ZBTB20: variants seen among roughly 807,000 people sequenced by gnomAD.
ZBTB20 encodes the protein zinc finger and BTB domain-containing protein 20.
Under a neutral mutation model 56.9 loss-of-function variants are expected in ZBTB20, and 9 were observed. That is an observed-to-expected ratio of 0.16 (90% confidence interval 0.10 to 0.28). ZBTB20 has a LOEUF of 0.28. Among genes scored for constraint, ZBTB20 ranks in the 10% least tolerant of loss-of-function variants. ZBTB20 has a pLI of 1.00. For missense variants in ZBTB20, 655 were observed against 1,003.0 expected, an observed-to-expected ratio of 0.65 and a Z score of 4.69; for synonymous variants, 417 against 420.7, an observed-to-expected ratio of 0.99 and a Z score of 0.11.
chr3:115,139,099 T>C (rs969344387), intron 1 of ZBTB20, among the ~76,000 whole-genome samples: 6 of 152,058 alleles, frequency 3.9e-5, no homozygotes, highest in Admixed American at 2.0e-4. Flanking sequence ...TAAGCTAAAA[T>C]AGCTTACCAT....
rs1043674976 is a variant in ZBTB20, at chr3:114,492,181, G to C, written c.-255+8171C>G. On this transcript the variant is annotated intron_variant, in intron 7 of 11. Transcript: ENST00000675478. ...TAGGTCTTCTTCTCAATCTAACCCTGTCCCTAGGCAATGTTATTCATGCCA... is the reference window on the plus strand; with the variant it reads ...TAGGTCTTCTTCTCAATCTAACCCTCTCCCTAGGCAATGTTATTCATGCCA... Among the ~76,000 whole-genome samples, 3 of 151,962 alleles carry C rather than the reference G, an allele frequency of 2.0e-5. No individual in the cohort carries two copies. The East Asian group carries it at 5.8e-4, about 29-fold the overall frequency.
intron 7 of ZBTB20, among the ~76,000 whole-genome samples, chr3:114,470,089 A>G (rs966781203): frequency 6.6e-6 from 1 of 152,180 alleles, no homozygotes; most frequent in African/African-American, 2.4e-5. Flanking sequence ...AAGATATAGA[A>G]AAAGGGAGTC....
chr3:115,137,319 G>GT (rs1483632752), intron 1 of ZBTB20, among the ~76,000 whole-genome samples: 2 of 151,988 alleles, frequency 1.3e-5, no homozygotes, highest in African/African-American at 4.8e-5. Flanking sequence ...TATACAAAGG[G>GT]TATATGAGTA....
chr3:115,106,616 C>T (rs1483156709), intron 1 of ZBTB20, among the ~76,000 whole-genome samples: 1 of 152,052 alleles, frequency 6.6e-6, no homozygotes, highest in Admixed American at 6.6e-5. Flanking sequence ...GCCAGGAGTA[C>T]CATCCTTAAA....
intron 8 of ZBTB20, among the ~76,000 whole-genome samples, chr3:114,385,115 G>A (rs189009676): frequency 1.3e-5 from 2 of 152,102 alleles, no homozygotes; most frequent in Admixed American, 1.3e-4. Context: ...TTTCCTATCT[G>A]GTAAGTAATG....
intron 6 of ZBTB20, among the ~76,000 whole-genome samples, chr3:114,545,552 C>T (rs1559940052): frequency 6.6e-6 from 1 of 152,158 alleles, no homozygotes; most frequent in South Asian, 2.1e-4. Context: ...TTAGGGATAA[C>T]AATATCCACC....
chr3:114,322,721 T>C lies in ZBTB20; in HGVS notation c.*16284A>G, dbSNP rs1270826558. ...AGTTTCTTACTTAAAACAGAGATAA[T>C]GCTTTGAGTGCTTAAGGAATTTCTT... is the stretch of plus-strand genomic sequence containing the variant. On this transcript the variant is annotated 3_prime_UTR_variant, in exon 12 of 12. Coordinates refer to ENST00000675478, the MANE Select transcript of ZBTB20 (RefSeq NM_001348800.3). The C allele has an allele frequency of 1.3e-5, 2 of 152,236 alleles. No individual in the cohort carries two copies. The highest frequency in any genetic ancestry group is 2.9e-5 in the Non-Finnish European group (2 of 68,030). The allele number at this position is 152,236 out of a possible 1,614,324, so 9.4% of individuals were successfully genotyped here. A position where few individuals can be genotyped will look rare whatever the true frequency, so the allele number is the denominator to read the frequency against.
intron 1 of ZBTB20, among the ~76,000 whole-genome samples, chr3:115,137,093 T>C (rs2084670876): frequency 1.3e-5 from 2 of 152,226 alleles, no homozygotes; most frequent in South Asian, 4.1e-4. Context: ...ATTTGAATTA[T>C]ATAAAATGAT....
chr3:115,005,603 C>T (rs2108234282), intron 2 of ZBTB20, among the ~76,000 whole-genome samples: 1 of 151,854 alleles, frequency 6.6e-6, no homozygotes, highest in South Asian at 2.1e-4. Flanking sequence ...TAATTAATCC[C>T]AGTTTACAGA....
At chr3:115,024,528 GGC>G (rs2080340214) in intron 2 of ZBTB20, among the ~76,000 whole-genome samples, 1 of 150,874 alleles carries the variant, frequency 6.6e-6, no homozygotes, top group South Asian at 2.1e-4. Flanking sequence ...TTTCCCTTAA[GGC>G]ACCCCTTTTG....
chr3:114,449,548 G>A (rs991171445), intron 7 of ZBTB20, among the ~76,000 whole-genome samples: 6 of 151,934 alleles, frequency 3.9e-5, no homozygotes, highest in African/African-American at 1.2e-4. Flanking sequence ...CTTCGATAGC[G>A]ATGACAACAA....
At chr3:114,350,197 C>T in intron 11 of ZBTB20, 77 bp downstream of exon 11, 1 of 1,520,544 alleles carries the variant, frequency 6.6e-7, no homozygotes, top group Non-Finnish European at 8.8e-7. Context: ...ACCTTCCCTT[C>T]TACCTGCTCT....
intron 7 of ZBTB20, among the ~76,000 whole-genome samples, chr3:114,412,898 T>C (rs539961020): frequency 2.0e-5 from 3 of 152,324 alleles, no homozygotes; most frequent in South Asian, 2.1e-4. Flanking sequence ...TCTTCCTCTA[T>C]GGTCCAGTTT....
At chr3:114,817,370 T>C (rs1438068195) in intron 4 of ZBTB20, among the ~76,000 whole-genome samples, 1 of 151,466 alleles carries the variant, frequency 6.6e-6, no homozygotes, top group Non-Finnish European at 1.5e-5. Context: ...AATACAAAAT[T>C]AGCCAGGCAT....
At chr3:114,388,198 T>C (rs987555373) in intron 8 of ZBTB20, 1 of 152,240 alleles carries the variant, frequency 6.6e-6, no homozygotes, top group African/African-American at 2.4e-5. Flanking sequence ...GTTATTGTTT[T>C]AAAATGTGTA....
intron 6 of ZBTB20, among the ~76,000 whole-genome samples, chr3:114,568,625 G>A (rs2053071014): frequency 6.6e-6 from 1 of 152,028 alleles, no homozygotes. Flanking sequence ...AAGTGGATAG[G>A]GAAGATATTT....
chr3:114,568,982 G>C (rs1422277423), intron 6 of ZBTB20, among the ~76,000 whole-genome samples: 1 of 152,114 alleles, frequency 6.6e-6, no homozygotes, highest in Non-Finnish European at 1.5e-5. Flanking sequence ...CTTCCCCTGA[G>C]TAACACCCTG....
At chr3:115,077,060 T>C (rs1405934359) in intron 1 of ZBTB20, among the ~76,000 whole-genome samples, 3 of 152,158 alleles carry the variant, frequency 2.0e-5, no homozygotes, top group Admixed American at 6.5e-5. Context: ...GGCAGTCCAG[T>C]TCCTAACAGG....
At chr3:114,861,580 G>C (rs1191493370) in intron 4 of ZBTB20, among the ~76,000 whole-genome samples, 1 of 152,028 alleles carries the variant, frequency 6.6e-6, no homozygotes, top group Non-Finnish European at 1.5e-5. Context: ...TTCAGACCTG[G>C]TTTGAAATCA....
Sources: gnomAD v4.1 joint callset for allele counts (sites outside exome capture counted in the v4.1 genomes callset) on GRCh38, gnomAD v4.1.1 for gene constraint, MANE v1.5 for transcripts, NCBI Gene and HGNC (gene_info 2026-07-23, HGNC 2026-07-21) for gene names.